RABGEF1: variants seen among roughly 807,000 people sequenced by gnomAD.
RABGEF1 encodes the protein rab5 GDP/GTP exchange factor.
Under a neutral mutation model 57.3 loss-of-function variants are expected in RABGEF1, and 26 were observed. The ratio of observed to expected loss-of-function variants is 0.45; its 90% confidence interval spans 0.33 to 0.63. The LOEUF (loss-of-function observed/expected upper bound fraction) is 0.63. Among genes scored for constraint, RABGEF1 ranks in the 20% least tolerant of loss-of-function variants. RABGEF1 has a pLI of 0.02. For synonymous variants in RABGEF1, 185 were observed against 210.7 expected (o/e 0.88, Z 1.06); for missense variants, 464 against 607.6 (o/e 0.76, Z 2.48).
chr7:66,689,017 TG>T (rs1193603995), intron 1 of RABGEF1, among the ~76,000 whole-genome samples: 3 of 152,070 alleles, frequency 2.0e-5, no homozygotes, highest in Non-Finnish European at 4.4e-5. Context: ...TCCTTGAACC[TG>T]GGAGAGGGAG....
upstream of RABGEF1, among the ~76,000 whole-genome samples, chr7:66,679,629 G>A (rs185654141): frequency 1.3e-5 from 2 of 152,078 alleles, no homozygotes; most frequent in Admixed American, 1.3e-4. Flanking sequence ...AGTCCTCTTT[G>A]TCTTAACCTT....
chr7:66,707,032 G>A (rs1023747382), intron 1 of RABGEF1, among the ~76,000 whole-genome samples: 7 of 151,748 alleles, frequency 4.6e-5, no homozygotes, highest in East Asian at 3.9e-4. Flanking sequence ...TGATCCACCC[G>A]CCTCGGCCTC....
chr7:66,713,077 A>C (rs1295678671), intron 2 of RABGEF1, among the ~76,000 whole-genome samples: 1 of 151,272 alleles, frequency 6.6e-6, no homozygotes, highest in East Asian at 1.9e-4. Flanking sequence ...AGCTTCCCAA[A>C]GTGCTGGGAT....
chr7:66,752,028 A>G (rs1310117147), intron 1 of RABGEF1, among the ~76,000 whole-genome samples: 1 of 151,872 alleles, frequency 6.6e-6, no homozygotes, highest in Non-Finnish European at 1.5e-5. Context: ...CCCCATCTAT[A>G]TAAACAAACC....
rs373801899 is a variant in RABGEF1 at position 66,763,306 on chromosome 7, C to T, written c.-17-8577C>T. 3.9e-5 allele frequency among the ~76,000 whole-genome samples: 6 copies of T among 152,216 alleles called. No homozygotes were observed. The East Asian group carries it at 1.2e-3, about 29-fold the overall frequency. On this transcript the variant is annotated intron_variant, in intron 1 of 8. Transcript: ENST00000284957. ...ATTTGGAGGTGATAGAGAGAGTCTC[C>T]TTCCAGATGCACTCGTGTTGGCAGA...
chr7:66,750,064 T>C (rs1801081525), intron 1 of RABGEF1, among the ~76,000 whole-genome samples: 1 of 152,232 alleles, frequency 6.6e-6, no homozygotes, highest in South Asian at 2.1e-4. Context: ...GTTTGGGTCC[T>C]GTTTAGCAAG....
At chr7:66,805,021 T>C in intron 7 of RABGEF1, 119 bp from the exon 8 acceptor site, 1 of 1,152,176 alleles carries the variant, frequency 8.7e-7, no homozygotes, top group Non-Finnish European at 1.2e-6. Flanking sequence ...CTAAGTTAAC[T>C]GCTGGAAAAG....
chr7:66,768,603 A>T (rs1174047025), intron 1 of RABGEF1, among the ~76,000 whole-genome samples: 1 of 152,142 alleles, frequency 6.6e-6, no homozygotes, highest in Non-Finnish European at 1.5e-5. Context: ...TTCATTGTTC[A>T]GAGTTTTGTA....
intron 1 of RABGEF1, among the ~76,000 whole-genome samples, chr7:66,771,087 C>A (rs1015753413): frequency 2.6e-5 from 4 of 151,948 alleles, no homozygotes; most frequent in Admixed American, 2.6e-4. Context: ...GTGTGTTGTT[C>A]CTTTTTACCC....
At position 66,685,096 on chromosome 7, in the gene RABGEF1, C is replaced by T. The variant is rs1357031517; in HGVS notation, c.-873+2838C>T. On this transcript the variant is annotated intron_variant and NMD_transcript_variant, in intron 1 of 9. Coordinates refer to the RABGEF1 transcript ENST00000607882. ...TGGAATTTTATGTAGCTCTTACGTA[C>T]AGGCTGCTATATAGCTGATAAGGAC... Among the ~76,000 whole-genome samples, 7 of 150,910 alleles carry T rather than the reference C, an allele frequency of 4.6e-5. No individual in the cohort carries two copies. In the East Asian group the frequency reaches 1.4e-3, roughly 29 times the overall value.
intron 3 of RABGEF1, among the ~76,000 whole-genome samples, chr7:66,780,041 G>C (rs925253976): frequency 4.6e-5 from 7 of 152,258 alleles, no homozygotes; most frequent in African/African-American, 1.7e-4. Context: ...CATTTTAAAA[G>C]GGTTTTTTTT....
At chr7:66,711,101 A>C (rs1441312399) in intron 1 of RABGEF1, among the ~76,000 whole-genome samples, 2 of 152,244 alleles carry the variant, frequency 1.3e-5, no homozygotes, top group African/African-American at 2.4e-5. Flanking sequence ...TTGAGGCTGC[A>C]GTGAGCTGTG....
intron 1 of RABGEF1, among the ~76,000 whole-genome samples, chr7:66,766,413 A>G (rs2129097616): frequency 6.6e-6 from 1 of 151,976 alleles, no homozygotes; most frequent in East Asian, 1.9e-4. Context: ...ATCTCTTACT[A>G]TAGGATGTAG....
At position 66,771,921 on chromosome 7, in the gene RABGEF1, C is replaced by T. The variant is rs1193553003; in HGVS notation, c.22C>T (p.Arg8Ter). ...GAAGATGAGCCTTAAGTCTGAACGC[C>T]GAGGAATTCATGTGGATCAATCGGA... MSLKSERRGIHVDQSDLL... is the reference protein window; with the variant it reads MSLKSER Residue 8 changes from arginine to a stop codon, truncating the protein, a stop_gained, in exon 2 of 9, where the codon CGA becomes TGA. Transcript: ENST00000284957. LOFTEE classifies it high-confidence loss of function. The T allele has an allele frequency of 1.9e-6, 3 of 1,555,886 alleles. No homozygotes were observed. The highest frequency in any genetic ancestry group is 2.6e-6 in the Non-Finnish European group (3 of 1,150,260).
Position 66,691,018 on chromosome 7 carries a change from G to A in RABGEF1, c.-873+8760G>A, listed in dbSNP as rs1791443402. Reference sequence around the variant, plus strand: ...GGGCATGAGAATCGCCGGAACCGGGGAGGCAGGGGTTGCAGTGAGCCGTGA... The same window carrying A: ...GGGCATGAGAATCGCCGGAACCGGGAAGGCAGGGGTTGCAGTGAGCCGTGA... On this transcript the variant is annotated intron_variant and NMD_transcript_variant, in intron 1 of 9. Transcript: ENST00000607882. Among the ~76,000 whole-genome samples, 4 of 152,134 alleles carry A rather than the reference G, an allele frequency of 2.6e-5. 1 individual carries two copies. The highest frequency in any genetic ancestry group is 9.7e-5 in the African/African-American group (4 of 41,424).
At chr7:66,760,346 C>T (rs1034962199) in intron 1 of RABGEF1, among the ~76,000 whole-genome samples, 1 of 151,320 alleles carries the variant, frequency 6.6e-6, no homozygotes, top group Non-Finnish European at 1.5e-5. Context: ...ATAGTTTGTT[C>T]TTTTTAGTGT....
chr7:66,724,170 T>G (rs948382878), intron 2 of RABGEF1, among the ~76,000 whole-genome samples: 8 of 152,124 alleles, frequency 5.3e-5, no homozygotes, highest in Non-Finnish European at 1.0e-4. Context: ...ACTCTAAAGA[T>G]GTCATGTTAT....
chr7:66,760,103 C>G (rs1803892507), intron 1 of RABGEF1, among the ~76,000 whole-genome samples: 1 of 152,198 alleles, frequency 6.6e-6, no homozygotes. Flanking sequence ...GCTGACCAAG[C>G]AGGCCCGTCT....
At chr7:66,679,190 T>C (rs995421224), upstream of RABGEF1, among the ~76,000 whole-genome samples, 2 of 152,210 alleles carry the variant, frequency 1.3e-5, no homozygotes, top group Non-Finnish European at 2.9e-5. Flanking sequence ...ATCTGTTCGG[T>C]GCCTGGAACA....
Sources: gnomAD v4.1 joint callset for allele counts (sites outside exome capture counted in the v4.1 genomes callset) on GRCh38, gnomAD v4.1.1 for gene constraint, MANE v1.5 for transcripts, NCBI Gene and HGNC (gene_info 2026-07-23, HGNC 2026-07-21) for gene names.